The following RAB21 variants were observed in gnomAD, a reference collection of about 807,000 sequenced individuals.
RAB21 encodes the protein ras-related protein Rab-21.
Under a neutral mutation model 33.1 loss-of-function variants are expected in RAB21, and 13 were observed. The observed-to-expected ratio is 0.39, with a 90% CI of 0.26 to 0.62. The LOEUF (loss-of-function observed/expected upper bound fraction) is 0.62. Among genes scored for constraint, RAB21 ranks in the 20% least tolerant of loss-of-function variants. The pLI is 0.48. For missense variants in RAB21, 234 were observed against 279.1 expected, an observed-to-expected ratio of 0.84 and a Z score of 1.15; for synonymous variants, 91 against 103.7, an observed-to-expected ratio of 0.88 and a Z score of 0.74.
intron 1 of RAB21, among the ~76,000 whole-genome samples, chr12:71,764,487 T>C (rs983878981): frequency 5.3e-5 from 8 of 152,172 alleles, no homozygotes; most frequent in African/African-American, 1.7e-4. Flanking sequence ...TCAATAGTTT[T>C]TGGGGTATAG....
chr12:71,778,393 C>G (rs1305995740), intron 4 of RAB21, among the ~76,000 whole-genome samples: 1 of 152,110 alleles, frequency 6.6e-6, no homozygotes, highest in Non-Finnish European at 1.5e-5. Context: ...TTTTTTACTT[C>G]ATTTAAGCCT....
chr12:71,782,736 C>A, intron 6 of RAB21, 78 bp downstream of exon 6: 1 of 904,558 alleles, frequency 1.1e-6, no homozygotes. Flanking sequence ...TATTTTACAC[C>A]AGTGTTACTT....
At chr12:71,768,456 T>G (rs767581834) in intron 1 of RAB21, among the ~76,000 whole-genome samples, 6 of 152,210 alleles carry the variant, frequency 3.9e-5, no homozygotes, top group Non-Finnish European at 7.4e-5. Flanking sequence ...TCCTTTTTTT[T>G]AAACACGTCA....
chr12:71,775,815 G>A (rs1269661157), intron 4 of RAB21, among the ~76,000 whole-genome samples: 2 of 151,680 alleles, frequency 1.3e-5, no homozygotes, highest in African/African-American at 4.9e-5. Context: ...GATTACAGGC[G>A]TGAGCCACTG....
intron 4 of RAB21, among the ~76,000 whole-genome samples, chr12:71,777,663 A>G (rs1883141371): frequency 6.6e-6 from 1 of 152,236 alleles, no homozygotes; most frequent in African/African-American, 2.4e-5. Context: ...TAACCTTTCA[A>G]GCATTTGAAG....
At position 71,787,321 on chromosome 12, in the gene RAB21, C is replaced by T. The variant is rs1005302010; in HGVS notation, c.*1648C>T. On this transcript the variant is annotated 3_prime_UTR_variant, in exon 7 of 7. Coordinates refer to ENST00000261263, the MANE Select transcript of RAB21 (RefSeq NM_014999.4). Reference sequence around the variant, plus strand: ...AATTTTAGTAGAATCAGGCACTGCTCGCAGAAGGAACACAGATTGTAGAGA... The same window carrying T: ...AATTTTAGTAGAATCAGGCACTGCTTGCAGAAGGAACACAGATTGTAGAGA... The T allele has an allele frequency of 6.6e-6, 1 of 151,914 alleles. No individual in the cohort carries two copies. Among genetic ancestry groups the T allele is most frequent in the Non-Finnish European group, 1.5e-5 (1 of 67,980 alleles). The allele number at this position is 151,914 out of a possible 1,614,324, so 9.4% of individuals were successfully genotyped here.
chr12:71,785,903 T>A lies in RAB21; in HGVS notation c.*230T>A. The A allele has an allele frequency of 2.2e-6, 1 of 448,800 alleles. No homozygotes were observed. Among genetic ancestry groups the A allele is most frequent in the Non-Finnish European group, 3.8e-6 (1 of 263,414 alleles). The allele number at this position is 448,800 out of a possible 1,614,324, so 27.8% of individuals were successfully genotyped here. On this transcript the variant is annotated 3_prime_UTR_variant, in exon 7 of 7. Coordinates refer to ENST00000261263, the MANE Select transcript of RAB21 (RefSeq NM_014999.4). ...TGTTTTTTTTTGTTTTTTTTTTGTT[T>A]TTTTTTGTTTTTTTTTGAGACGGAG...
At chr12:71,774,772 AAG>A (rs1883095973) in intron 4 of RAB21, among the ~76,000 whole-genome samples, 1 of 151,368 alleles carries the variant, frequency 6.6e-6, no homozygotes, top group African/African-American at 2.4e-5. Flanking sequence ...AAAAAAAAAA[AAG>A]AATAATTTAG....
chr12:71,777,613 A>C (rs574478051), intron 4 of RAB21, among the ~76,000 whole-genome samples: 22 of 152,208 alleles, frequency 1.4e-4, no homozygotes, highest in Non-Finnish European at 3.1e-4. Context: ...CATAGAGGTA[A>C]ACATTTGACA....
Position 71,793,751 on chromosome 12 carries a change from G to C in RAB21, c.*8078G>C, listed in dbSNP as rs1477607355. 6.6e-6 allele frequency: 1 copy of C among 152,222 alleles called. No homozygotes were observed. The allele number at this position is 152,222 out of a possible 1,614,324, so 9.4% of individuals were successfully genotyped here. A position where few individuals can be genotyped will look rare whatever the true frequency, so the allele number is the denominator to read the frequency against. ...TTATTTATGCGAAAGACATAATTTT[G>C]GGTGAACTTTCTTGAAGATGGTCAG... On this transcript the variant is annotated 3_prime_UTR_variant, in exon 7 of 7. Coordinates refer to ENST00000261263, the MANE Select transcript of RAB21 (RefSeq NM_014999.4).
rs1228805105 is a variant in RAB21, at chr12:71,797,610, A to G, written c.*11937A>G. The G allele has an allele frequency of 1.4e-5, 2 of 142,178 alleles. No homozygotes were observed. The highest frequency in any genetic ancestry group is 6.9e-5 in the Admixed American group (1 of 14,396). The allele number at this position is 142,178 out of a possible 1,614,324, so 8.8% of individuals were successfully genotyped here. A position where few individuals can be genotyped will look rare whatever the true frequency, so the allele number is the denominator to read the frequency against. ...AAAAAAAAACTAGATCGCTGATTCC[A>G]AAGTTTCTTTGAGGAAAAAAAAAAA... On this transcript the variant is annotated 3_prime_UTR_variant, in exon 7 of 7. Transcript: ENST00000261263.
chr12:71,784,967 C>T (rs1037674626), intron 6 of RAB21, among the ~76,000 whole-genome samples: 1 of 151,648 alleles, frequency 6.6e-6, no homozygotes, highest in Admixed American at 6.6e-5. Flanking sequence ...GTGTTGCATA[C>T]CTGTAATTCC....
chr12:71,798,556 G>T lies in RAB21; in HGVS notation c.*12883G>T, dbSNP rs544000234. 1 of 151,562 alleles carries T rather than the reference G, an allele frequency of 6.6e-6. No individual in the cohort carries two copies. The highest frequency in any genetic ancestry group is 1.5e-5 in the Non-Finnish European group (1 of 67,898). 9.4% of individuals were successfully genotyped at this position (151,562 alleles called of 1,614,324 possible). On this transcript the variant is annotated 3_prime_UTR_variant, in exon 7 of 7. Coordinates refer to ENST00000261263, the MANE Select transcript of RAB21 (RefSeq NM_014999.4). ...ATGAAAAAGTCCAATGATCCAAAAA[G>T]AAAAAGGTACAAAATTGTAAACAGT...
chr12:71,766,017 A>C (rs2137643783), intron 1 of RAB21, among the ~76,000 whole-genome samples: 1 of 152,218 alleles, frequency 6.6e-6, no homozygotes, highest in African/African-American at 2.4e-5. Context: ...GCAGGGCTTA[A>C]GTTTTTCATT....
At chr12:71,768,046 A>G (rs1882987463) in intron 1 of RAB21, among the ~76,000 whole-genome samples, 1 of 152,126 alleles carries the variant, frequency 6.6e-6, no homozygotes, top group African/African-American at 2.4e-5. Flanking sequence ...CATAACATGT[A>G]TTTGGTCTTC....
chr12:71,755,407 C>A, intron 1 of RAB21, 119 bp downstream of exon 1: 1 of 1,216,594 alleles, frequency 8.2e-7, no homozygotes, highest in Non-Finnish European at 1.1e-6. Flanking sequence ...CTGTCATCTC[C>A]GCCTTCGGTT....
In RAB21 at chr12:71,769,802, A is replaced by G. The variant is rs755706517; in HGVS notation, c.162A>G (p.Ala54=). 5.8e-6 allele frequency: 8 copies of G among 1,370,290 alleles called. No homozygotes were observed. Among genetic ancestry groups the G allele is most frequent in the African/African-American group, 1.5e-5 (1 of 66,514 alleles). The allele number at this position is 1,370,290 out of a possible 1,614,324, so 84.9% of individuals were successfully genotyped here. The change falls in exon 2 of 7, where the codon GCA becomes GCG. Residue 54 remains alanine (A), a splice_region_variant and synonymous_variant. Coordinates refer to ENST00000261263, the MANE Select transcript of RAB21 (RefSeq NM_014999.4). ...FNDKHITTLQ[A]SFLTKKLNIG... ...TTAATGTTTATTTCTCTTTTTAGGC[A>G]TCATTCTTAACAAAGAAGTTAAATA...
At chr12:71,758,643 G>A (rs1882824798) in intron 1 of RAB21, among the ~76,000 whole-genome samples, 1 of 75,102 alleles carries the variant, frequency 1.3e-5, no homozygotes, top group Non-Finnish European at 3.5e-5. Context: ...ACCATGCTCG[G>A]CTAATTTTTT....
chr12:71,763,340 G>A (rs1163805871), intron 1 of RAB21, among the ~76,000 whole-genome samples: 3 of 152,146 alleles, frequency 2.0e-5, no homozygotes, highest in East Asian at 1.9e-4. Flanking sequence ...AAATGGTCCC[G>A]CTAACAGAGA....
Sources: gnomAD v4.1 joint callset for allele counts (sites outside exome capture counted in the v4.1 genomes callset) on GRCh38, gnomAD v4.1.1 for gene constraint, MANE v1.5 for transcripts, NCBI Gene and HGNC (gene_info 2026-07-23, HGNC 2026-07-21) for gene names.